Variants in KCNAB2 observed in about 807,000 individuals in gnomAD.
KCNAB2 encodes potassium voltage-gated channel subfamily A regulatory beta subunit 2, also known as voltage-gated potassium channel subunit beta-2.
In KCNAB2, 29 loss-of-function variants were observed where a neutral mutation model predicts 63.6. The observed-to-expected ratio is 0.46, with a 90% CI of 0.34 to 0.62. The LOEUF (loss-of-function observed/expected upper bound fraction) is 0.62, where lower values mean the gene tolerates loss of function less well. Among genes scored for constraint, KCNAB2 ranks in the 20% least tolerant of loss-of-function variants. The pLI, the probability that KCNAB2 is intolerant of heterozygous loss-of-function variation, is 0.01. For synonymous variants in KCNAB2, 222 were observed against 224.2 expected, an observed-to-expected ratio of 0.99 and a Z score of 0.09; for missense variants, 359 against 563.9, an observed-to-expected ratio of 0.64 and a Z score of 3.68.
intron 1 of KCNAB2, chr1:6,007,741 T>C (rs926853195): frequency 4.3e-5 from 6 of 140,604 alleles, no homozygotes; most frequent in African/African-American, 1.6e-4. Context: ...CCGCAGTGTG[T>C]GCGCGTCACT....
Position 6,003,109 on chromosome 1 carries a change from C to T in KCNAB2, c.-53+10321C>T, listed in dbSNP as rs1657352859. Among the ~76,000 whole-genome samples, 2 of 152,222 alleles carry T rather than the reference C, an allele frequency of 1.3e-5. No individual in the cohort carries two copies. On this transcript the variant is annotated intron_variant, in intron 1 of 16. Coordinates refer to the KCNAB2 transcript ENST00000341524. The surrounding 1 kb of genome is among the most constrained non-coding windows in gnomAD (Gnocchi z 4.1). ...AGGCGACCCGTTCACGGGGCGGGCG[C>T]TCGCCCTTGGCCTCGCTCCTGAGCC...
upstream of KCNAB2, among the ~76,000 whole-genome samples, chr1:6,030,226 A>G (rs1239001616): frequency 6.6e-6 from 1 of 152,218 alleles, no homozygotes; most frequent in Non-Finnish European, 1.5e-5. Flanking sequence ...TCATGCACTC[A>G]TGGAGCAGCT....
At chr1:6,085,678 A>G (rs11805356) in intron 6 of KCNAB2, 3,275 of 276,400 alleles carry the variant, frequency 0.012, 117 homozygotes, top group African/African-American at 0.07. Context: ...GGGCCAGAGA[A>G]GGGAGTGGCT....
intron 4 of KCNAB2, among the ~76,000 whole-genome samples, chr1:6,076,969 A>T (rs1663720851): frequency 6.6e-6 from 1 of 152,168 alleles, no homozygotes. Context: ...GTGGATCACA[A>T]GGATAGGAGT....
In KCNAB2 at chr1:5,994,769, G is replaced by A. The variant is rs533675263; in HGVS notation, c.-53+1981G>A. On this transcript the variant is annotated intron_variant, in intron 1 of 16. Transcript: ENST00000341524. The surrounding 1 kb of genome is among the most constrained non-coding windows in gnomAD (Gnocchi z 5.4). ...ATGGCGCTAGAGAGCTGGAAAGGCC[G>A]AGGGTGCCATGGGCTGGCCAGCTAG... is the stretch of plus-strand genomic sequence containing the variant. Among the ~76,000 whole-genome samples, 76 of 152,322 alleles carry A rather than the reference G, an allele frequency of 5.0e-4. No homozygotes were observed. The highest frequency in any genetic ancestry group is 1.7e-3 in the African/African-American group (70 of 41,570).
rs1054973358 is a variant in KCNAB2, at chr1:6,035,195, G to C, written c.-53+401G>C. 4.9e-5 allele frequency among the ~76,000 whole-genome samples: 7 copies of C among 143,752 alleles called. No individual in the cohort carries two copies. Among genetic ancestry groups the C allele is most frequent in the Middle Eastern group, 3.5e-3 (1 of 284 alleles). 94.3% of individuals were successfully genotyped at this position (143,752 alleles called of 152,430 possible). On this transcript the variant is annotated intron_variant, in intron 1 of 15. Coordinates refer to the KCNAB2 transcript ENST00000164247. The surrounding 1 kb of genome is among the most constrained non-coding windows in gnomAD (Gnocchi z 5.0). ...GAGGTGGGAGTGAGTCTGTCTGCTG[G>C]GTTCACAGACCCCCAGGGAGCCAGT...
intron 1 of KCNAB2, among the ~76,000 whole-genome samples, chr1:6,038,392 G>A (rs1409993512): frequency 1.3e-5 from 2 of 152,248 alleles, no homozygotes; most frequent in African/African-American, 4.8e-5. Flanking sequence ...CCAGGCTCAA[G>A]CAATCCTCCC....
upstream of KCNAB2, among the ~76,000 whole-genome samples, chr1:6,045,107 C>G (rs1300643365): frequency 6.6e-6 from 1 of 152,184 alleles, no homozygotes; most frequent in Non-Finnish European, 1.5e-5. The surrounding 1 kb of genome is among the most constrained non-coding windows in gnomAD (Gnocchi z 4.8). Context: ...CCTCCAGACT[C>G]TACGTGCTCT....
rs959493574 is a variant in KCNAB2 at position 6,020,607 on chromosome 1, A to G, written c.-52-19910A>G. On this transcript the variant is annotated intron_variant, in intron 1 of 16. Coordinates refer to the KCNAB2 transcript ENST00000341524. ...AGAAAATTCAGGAAATATAGGGGTC[A>G]TGGGTGACAGGTGGGCCAGCCAGCA... Among the ~76,000 whole-genome samples, 4 of 152,336 alleles carry G rather than the reference A, an allele frequency of 2.6e-5. No homozygotes were observed. In the South Asian group the frequency reaches 6.2e-4, roughly 24 times the overall value.
In KCNAB2 at chr1:6,061,493, G is replaced by T. The variant is rs909319834; in HGVS notation, c.218+9739G>T. 6.6e-5 allele frequency among the ~76,000 whole-genome samples: 10 copies of T among 152,356 alleles called. No homozygotes were observed. In the East Asian group the frequency reaches 1.5e-3, roughly 24 times the overall value. On this transcript the variant is annotated intron_variant, in intron 2 of 15. Coordinates refer to ENST00000378083, the MANE Select transcript of KCNAB2 (RefSeq NM_001199862.2). Reference sequence around the variant, plus strand: ...ATCCCAGATTCTGGCTGGTAACAGAGCAGGCCTCCTCAACCCTGGCACCAT... The same window carrying T: ...ATCCCAGATTCTGGCTGGTAACAGATCAGGCCTCCTCAACCCTGGCACCAT...
intron 2 of KCNAB2, among the ~76,000 whole-genome samples, chr1:6,054,349 GC>G (rs1661632921): frequency 6.6e-6 from 1 of 152,232 alleles, no homozygotes; most frequent in Non-Finnish European, 1.5e-5. Context: ...AACAAAAGCA[GC>G]CGGGTGAGGT....
chr1:6,098,039 G>C (rs1039704881), intron 15 of KCNAB2: 12 of 424,954 alleles, frequency 2.8e-5, no homozygotes, highest in African/African-American at 2.4e-4. Flanking sequence ...GTTTGGGAAG[G>C]TGGGGCCCCC....
chr1:6,002,001 C>T (rs1041678979), intron 1 of KCNAB2, among the ~76,000 whole-genome samples: 1 of 152,222 alleles, frequency 6.6e-6, no homozygotes, highest in Non-Finnish European at 1.5e-5. Context: ...TGACATCTGT[C>T]CCTGCCTAGA....
chr1:6,040,942 G>C (rs1660449233), upstream of KCNAB2, among the ~76,000 whole-genome samples: 1 of 152,240 alleles, frequency 6.6e-6, no homozygotes, highest in Non-Finnish European at 1.5e-5. Flanking sequence ...GAGGTTAACA[G>C]AGCGGCCGGA....
intron 1 of KCNAB2, among the ~76,000 whole-genome samples, chr1:6,040,158 G>C (rs1660377215): frequency 6.6e-6 from 1 of 152,230 alleles, no homozygotes; most frequent in African/African-American, 2.4e-5. Flanking sequence ...GATGCCCCCT[G>C]GGCGGTCTCT....
chr1:6,042,124 C>T (rs546386993), upstream of KCNAB2, among the ~76,000 whole-genome samples: 1 of 152,316 alleles, frequency 6.6e-6, no homozygotes, highest in South Asian at 2.1e-4. Flanking sequence ...AGCAAATGGG[C>T]TTTTGATGAC....
chr1:6,064,824 G>A (rs747757108), intron 2 of KCNAB2, among the ~76,000 whole-genome samples: 5 of 152,222 alleles, frequency 3.3e-5, no homozygotes, highest in Admixed American at 6.5e-5. Flanking sequence ...GGGTGTGAGG[G>A]GGACACTTGG....
At chr1:6,043,536 C>T (rs1660675672), upstream of KCNAB2, among the ~76,000 whole-genome samples, 2 of 152,238 alleles carry the variant, frequency 1.3e-5, no homozygotes, top group African/African-American at 2.4e-5. Flanking sequence ...CAGGCTCTGG[C>T]CATCCTACCC....
intron 7 of KCNAB2, among the ~76,000 whole-genome samples, chr1:6,088,760 G>GA (rs1231330729): frequency 2.6e-5 from 4 of 151,852 alleles, no homozygotes; most frequent in African/African-American, 9.7e-5. Flanking sequence ...GGGTTAGGTT[G>GA]AAAATCAAAG....
Sources: gnomAD v4.1 joint callset for allele counts (sites outside exome capture counted in the v4.1 genomes callset) on GRCh38, gnomAD v4.1.1 for gene constraint, Gnocchi (gnomAD v3.1) non-coding constraint, MANE v1.5 for transcripts, NCBI Gene and HGNC (gene_info 2026-07-23, HGNC 2026-07-21) for gene names.